TRMT9B: variants seen among roughly 807,000 people sequenced by gnomAD.
TRMT9B encodes probable tRNA methyltransferase 9B.
A neutral mutation model predicts 11.5 loss-of-function variants in TRMT9B; 16 were observed. The ratio of observed to expected loss-of-function variants is 1.39; its 90% CI spans 0.94 to 2.11. The LOEUF is 2.11. Ranked by LOEUF, TRMT9B falls within the 30% of genes most tolerant of loss-of-function variation. The pLI is 0.00. For missense variants in TRMT9B, 941 were observed against 553.8 expected (o/e 1.70, Z -7.02); for synonymous variants, 274 against 192.4 (o/e 1.42, Z -3.51).
rs752838646 is a variant in TRMT9B, at chr8:13,021,062, C to G, written c.383C>G (p.Ala128Gly). 1.9e-6 allele frequency: 3 copies of G among 1,593,630 alleles called. No homozygotes were observed. Among genetic ancestry groups the G allele is most frequent in the Non-Finnish European group, 2.6e-6 (3 of 1,170,320 alleles). ...AGAATCAGAGCAATAAAAGAAATGG[C>G]CAGGGTCTTAGTTCCCGGAGGCCAA... ...QRRIRAIKEM[A>G]RVLVPGGQLM... Residue 128 changes from alanine to glycine, a missense_variant, in exon 5 of 5, where the codon GCC becomes GGC. Coordinates refer to ENST00000524591, the MANE Select transcript of TRMT9B (RefSeq NM_020844.3).
intron 1 of TRMT9B, among the ~76,000 whole-genome samples, chr8:12,955,590 A>T (rs1039938692): frequency 6.6e-6 from 1 of 152,136 alleles, no homozygotes; most frequent in Non-Finnish European, 1.5e-5. Flanking sequence ...GTAACTGCGA[A>T]TGTCAAATAG....
At chr8:12,952,737 T>C in intron 1 of TRMT9B, 1 of 962,638 alleles carries the variant, frequency 1.0e-6, no homozygotes, top group Non-Finnish European at 1.2e-6. Context: ...TTGCTATGTG[T>C]GGGGTTTTTT....
intron 1 of TRMT9B, among the ~76,000 whole-genome samples, chr8:12,953,048 A>C (rs1434274992): frequency 6.6e-6 from 1 of 152,052 alleles, no homozygotes; most frequent in Admixed American, 6.5e-5. Context: ...GATTCTTTTT[A>C]TAGTACTTGG....
chr8:12,983,487 C>T (rs192445809), intron 1 of TRMT9B, among the ~76,000 whole-genome samples: 51 of 152,130 alleles, frequency 3.4e-4, no homozygotes, highest in East Asian at 1.6e-3. Flanking sequence ...CTGACCAACA[C>T]GGTGAAATCC....
intron 1 of TRMT9B, among the ~76,000 whole-genome samples, chr8:12,982,855 T>G (rs1805642607): frequency 6.6e-6 from 1 of 152,184 alleles, no homozygotes; most frequent in African/African-American, 2.4e-5. Context: ...ACAGGACACA[T>G]GATTTCTTCA....
chr8:13,013,853 G>A (rs998885437), intron 4 of TRMT9B, among the ~76,000 whole-genome samples: 1 of 152,252 alleles, frequency 6.6e-6, no homozygotes, highest in Non-Finnish European at 1.5e-5. Flanking sequence ...GGAGGCTGAG[G>A]CAGGAGAATC....
rs1423349650 is a variant in TRMT9B, at chr8:13,025,196, G to A, written c.*3152G>A. On this transcript the variant is annotated 3_prime_UTR_variant, in exon 5 of 5. Transcript: ENST00000524591. ...CCCACTATCTGAAATAGAAGGGAGA[G>A]TTTGGGGGTTTATTGGAGGAGTCTT... 1 of 167,006 alleles carries A rather than the reference G, an allele frequency of 6.0e-6. No homozygotes were observed. Among genetic ancestry groups the A allele is most frequent in the Non-Finnish European group, 1.5e-5 (1 of 68,180 alleles). 10.3% of individuals were successfully genotyped at this position (167,006 alleles called of 1,614,324 possible). A position where few individuals can be genotyped will look rare whatever the true frequency, so the allele number is the denominator to read the frequency against.
chr8:12,957,774 C>T (rs1303823928), intron 1 of TRMT9B, among the ~76,000 whole-genome samples: 2 of 152,140 alleles, frequency 1.3e-5, no homozygotes, highest in Non-Finnish European at 2.9e-5. Flanking sequence ...ATAAAATATG[C>T]ATAGAATTTT....
At chr8:12,966,067 T>A (rs1017244657) in intron 1 of TRMT9B, among the ~76,000 whole-genome samples, 6 of 149,776 alleles carry the variant, frequency 4.0e-5, no homozygotes, top group African/African-American at 1.5e-4. Context: ...GATGTACACC[T>A]ATAATCCGAG....
rs571011732 is a variant in TRMT9B, at chr8:12,966,156, C to G, written c.-200+20190C>G. ...GCCTGGGCAACATAGTAAGACCCCC[C>G]CCATCTCTACAGAAAGTGAAAAAAA... On this transcript the variant is annotated intron_variant, in intron 1 of 4. Transcript: ENST00000524591. 7.2e-5 allele frequency among the ~76,000 whole-genome samples: 11 copies of G among 151,942 alleles called. No homozygotes were observed. The East Asian group carries it at 1.5e-3, about 21-fold the overall frequency.
At chr8:12,990,242 G>T (rs897629704) in intron 1 of TRMT9B, among the ~76,000 whole-genome samples, 9 of 152,116 alleles carry the variant, frequency 5.9e-5, no homozygotes, top group East Asian at 1.9e-4. Flanking sequence ...TATAGGATGG[G>T]CTTTTCCTAT....
intron 2 of TRMT9B, among the ~76,000 whole-genome samples, chr8:12,992,400 A>G (rs1240394352): frequency 1.3e-5 from 2 of 152,100 alleles, no homozygotes; most frequent in African/African-American, 4.8e-5. Context: ...CACACCTGTA[A>G]TTCTAGCTCT....
intron 2 of TRMT9B, among the ~76,000 whole-genome samples, chr8:12,997,014 T>C (rs1469316767): frequency 6.6e-6 from 1 of 150,488 alleles, no homozygotes; most frequent in African/African-American, 2.4e-5. Context: ...TATTTTTTAT[T>C]TTCTTTGATC....
chr8:12,953,324 ATCTT>A (rs1409094480), intron 1 of TRMT9B, among the ~76,000 whole-genome samples: 3 of 152,148 alleles, frequency 2.0e-5, no homozygotes, highest in Non-Finnish European at 2.9e-5. Context: ...GGAAGCCTTT[ATCTT>A]TCTATTTTTT....
rs758048384 is a variant in TRMT9B at position 13,021,318 on chromosome 8, C to T, written c.639C>T (p.His213=). Residue 213 remains histidine, a synonymous_variant, in exon 5 of 5, where the codon CAC becomes CAT. Transcript: ENST00000524591. ...AGCAGTGTGGTTCAAAACGGTCCCA[C>T]AGCGTGGGCTATGAACCTGCTATGG... The part of the protein sequence containing the change: ...FKEQCGSKRS[H]SVGYEPAMAR... 6.2e-6 allele frequency: 10 copies of T among 1,613,946 alleles called. No homozygotes were observed. The Admixed American group carries it at 1.0e-4, about 16-fold the overall frequency.
In TRMT9B at chr8:13,022,656, C is replaced by A. The variant is rs934377488; in HGVS notation, c.*612C>A. 6.0e-6 allele frequency: 1 copy of A among 167,082 alleles called. No individual in the cohort carries two copies. The highest frequency in any genetic ancestry group is 1.5e-5 in the Non-Finnish European group (1 of 68,132). The allele number at this position is 167,082 out of a possible 1,614,324, so 10.3% of individuals were successfully genotyped here. ...GCAAACTTGCTTCAAAATAAGTTGA[C>A]ATGTGATAATAAGGTTTTCAATGTA... is the stretch of plus-strand genomic sequence containing the variant. On this transcript the variant is annotated 3_prime_UTR_variant, in exon 5 of 5. Transcript: ENST00000524591.
At chr8:13,006,143 C>T in intron 2 of TRMT9B, 59 bp from the exon 3 acceptor site, 1 of 1,529,640 alleles carries the variant, frequency 6.5e-7, no homozygotes, top group Middle Eastern at 1.7e-4. Context: ...CATCCTCCTT[C>T]AGCCATCTAT....
rs997884530 is a variant in TRMT9B at position 13,022,394 on chromosome 8, TA to T, written c.*353del. On this transcript the variant is annotated 3_prime_UTR_variant, in exon 5 of 5. Coordinates refer to ENST00000524591, the MANE Select transcript of TRMT9B (RefSeq NM_020844.3). ...CATTGATTTAAAAAGATTATGCTGT[TA>T]AATAATCTTTTAAAACGGTATTTTT... The T allele has an allele frequency of 3.2e-5, 6 of 189,726 alleles. No individual in the cohort carries two copies. Among genetic ancestry groups the T allele is most frequent in the Non-Finnish European group, 5.9e-5 (5 of 84,034 alleles). 11.8% of individuals were successfully genotyped at this position (189,726 alleles called of 1,614,324 possible). A position where few individuals can be genotyped will look rare whatever the true frequency, so the allele number is the denominator to read the frequency against.
chr8:13,014,819 T>A (rs1441296504), intron 4 of TRMT9B, among the ~76,000 whole-genome samples: 1 of 151,970 alleles, frequency 6.6e-6, no homozygotes, highest in African/African-American at 2.4e-5. Flanking sequence ...TCCTAGCACT[T>A]TGGGAGGCCA....
Sources: gnomAD v4.1 joint callset for allele counts (sites outside exome capture counted in the v4.1 genomes callset) on GRCh38, gnomAD v4.1.1 for gene constraint, MANE v1.5 for transcripts, NCBI Gene and HGNC (gene_info 2026-07-23, HGNC 2026-07-21) for gene names.